Variants in ABCA2 observed in about 807,000 individuals in gnomAD.
ABCA2 encodes ATP binding cassette subfamily A member 2, also known as ATP-binding cassette sub-family A member 2.
In ABCA2, 84 loss-of-function variants were observed where a neutral mutation model predicts 262.8. The observed-to-expected ratio is 0.32, with a 90% CI of 0.27 to 0.38. The LOEUF (loss-of-function observed/expected upper bound fraction) is 0.38. Ranked by LOEUF, ABCA2 falls within the 10% of genes least tolerant of loss-of-function variation. ABCA2 has a pLI of 1.00. For synonymous variants in ABCA2, 1,696 were observed against 1,502.9 expected (o/e 1.13, Z -2.97); for missense variants, 2,662 against 3,405.9 (o/e 0.78, Z 5.44).
intron 43 of ABCA2, 23 bp downstream of exon 43, chr9:137,009,746 C>T (rs1412063728): frequency 1.9e-6 from 3 of 1,607,410 alleles, no homozygotes; most frequent in African/African-American, 1.3e-5. Flanking sequence ...CAGGCAGCCA[C>T]CCCCCACCCA....
Position 137,016,047 on chromosome 9 carries a change from C to CA in ABCA2, c.3231dup (p.Asp1078Ter). The CA allele has an allele frequency of 6.2e-7, 1 of 1,612,418 alleles. No individual in the cohort carries two copies. The highest frequency in any genetic ancestry group is 8.5e-7 in the Non-Finnish European group (1 of 1,179,844). ...AGGTGTTCCTCCACCGTGAGCCGGTCAAAGAGCACATTGTGCTGCGGGCAC... is the reference window on the plus strand; with the variant it reads ...AGGTGTTCCTCCACCGTGAGCCGGTCAAAAGAGCACATTGTGCTGCGGGCAC... On this transcript the variant is annotated frameshift_variant, in exon 22 of 49. Coordinates refer to ENST00000341511, the MANE Select transcript of ABCA2 (RefSeq NM_001606.5). LOFTEE classifies it high-confidence loss of function.
chr9:137,028,011 A>C lies in ABCA2; in HGVS notation c.66+64T>G. 2 of 878,000 alleles carry C rather than the reference A, an allele frequency of 2.3e-6. No homozygotes were observed. Among genetic ancestry groups the C allele is most frequent in the South Asian group, 5.0e-5 (1 of 20,062 alleles). 54.4% of individuals were successfully genotyped at this position (878,000 alleles called of 1,614,324 possible). ...CGGCCGTCCGCACGTGCGCGCGGGGAGCGCGCCTCTGGCCGCGGTGCGCGC... is the reference window on the plus strand; with the variant it reads ...CGGCCGTCCGCACGTGCGCGCGGGGCGCGCGCCTCTGGCCGCGGTGCGCGC... On this transcript the variant is annotated intron_variant, in intron 1 of 48. Coordinates refer to ENST00000341511, the MANE Select transcript of ABCA2 (RefSeq NM_001606.5). This position sits in a 1 kb window ranked among gnomAD's most constrained non-coding sequence, Gnocchi z 6.9.
In ABCA2 at chr9:137,016,102, C is replaced by T. The variant is rs779389938; in HGVS notation, c.3177G>A (p.Glu1059=). 1.2e-5 allele frequency: 19 copies of T among 1,612,760 alleles called. No individual in the cohort carries two copies. The East Asian group carries it at 4.0e-4, about 34-fold the overall frequency. Residue 1059 remains glutamate, a synonymous_variant, in exon 22 of 49, where the codon GAG becomes GAA. Coordinates refer to ENST00000341511, the MANE Select transcript of ABCA2 (RefSeq NM_001606.5). The part of the protein sequence containing the change: ...ATIYGHDIRT[E]MDEIRKNLGM... ...CCAGGTTCTTGCGGATCTCATCCAT[C>T]TCCGTGCGGATGTCGTGCCCGTAGA...
chr9:137,013,630 C>A, intron 28 of ABCA2, 67 bp from the exon 29 acceptor site: 2 of 1,487,064 alleles, frequency 1.3e-6, no homozygotes, highest in East Asian at 2.3e-5. Context: ...AAGCCTCGGT[C>A]CCCTTCCCCC....
intron 46 of ABCA2, 33 bp from the exon 47 acceptor site, chr9:137,008,901 C>CT (rs771891462): frequency 8.2e-6 from 12 of 1,457,536 alleles, no homozygotes; most frequent in African/African-American, 5.0e-5. Context: ...CCTGGCAGCG[C>CT]CCCCCCACCC....
Position 137,021,760 on chromosome 9 carries a change from C to T in ABCA2, c.678+131G>A. On this transcript the variant is annotated intron_variant, in intron 7 of 48. Coordinates refer to ENST00000341511, the MANE Select transcript of ABCA2 (RefSeq NM_001606.5). The surrounding 1 kb of genome is among the most constrained non-coding windows in gnomAD (Gnocchi z 6.0). The stretch of plus-strand genomic sequence containing the variant: ...CTCTACCCCTCATGCCTGCCATAGA[C>T]CCCTGGGACCCTCCCCCTCTCCCAG... The T allele has an allele frequency of 2.4e-6, 3 of 1,228,276 alleles. No individual in the cohort carries two copies. Among genetic ancestry groups the T allele is most frequent in the South Asian group, 1.4e-5 (1 of 71,688 alleles). 76.1% of individuals were successfully genotyped at this position (1,228,276 alleles called of 1,614,324 possible).
Position 137,017,618 on chromosome 9 carries a change from G to A in ABCA2, c.2286C>T (p.Ser762=), listed in dbSNP as rs748466814. The A allele has an allele frequency of 6.2e-7, 1 of 1,612,760 alleles. No homozygotes were observed. Among genetic ancestry groups the A allele is most frequent in the South Asian group, 1.1e-5 (1 of 91,092 alleles). The change falls in exon 17 of 49, where the codon TCC becomes TCT. Residue 762 remains serine (S), a synonymous_variant. Transcript: ENST00000341511. ...AWFITGFVQL[S]ISVTALTAIL... ...TGGCGGTGAGTGCTGTCACGGAGAT[G>A]GACAGCTGCACAAAGCCGGTGATGA... is the stretch of plus-strand genomic sequence containing the variant.
intron 40 of ABCA2, 29 bp from the exon 41 acceptor site, chr9:137,010,400 G>C: frequency 6.4e-7 from 1 of 1,551,408 alleles, no homozygotes; most frequent in Non-Finnish European, 8.7e-7. Context: ...ACTCAGCGGG[G>C]CATCCTGCCC....
In ABCA2 at chr9:137,008,500, G is replaced by C. The variant is rs937763000; in HGVS notation, c.7191C>G (p.Pro2397=). 1.9e-6 allele frequency: 3 copies of C among 1,581,178 alleles called. No individual in the cohort carries two copies. In the South Asian group the frequency reaches 3.5e-5, roughly 18 times the overall value. Residue 2397 remains proline (P), a synonymous_variant, in exon 48 of 49, where the codon CCC becomes CCG. Transcript: ENST00000341511. ...LLSLLRPRSA[P]TELRALVADE... ...CTGCCACAAGTGCCCGGAGCTCCGTGGGGGCAGACCGGGGCCGGAGCAGGC... is the reference window on the plus strand; with the variant it reads ...CTGCCACAAGTGCCCGGAGCTCCGTCGGGGCAGACCGGGGCCGGAGCAGGC...
Position 137,014,178 on chromosome 9 carries a change from G to A in ABCA2, c.4230C>T (p.Val1410=), listed in dbSNP as rs1430954967. Residue 1410 remains valine, a synonymous_variant, in exon 27 of 49, where the codon GTC becomes GTT. Coordinates refer to ENST00000341511, the MANE Select transcript of ABCA2 (RefSeq NM_001606.5). ...LFDNPQDPDN[V]SLQEVEAEAL... ...CCCTGCCACCCCCACCTTGCAGGCTGACATTGTCTGGGTCCTGTGGGTTAT... is the reference window on the plus strand; with the variant it reads ...CCCTGCCACCCCCACCTTGCAGGCTAACATTGTCTGGGTCCTGTGGGTTAT... 2 of 1,607,788 alleles carry A rather than the reference G, an allele frequency of 1.2e-6. No homozygotes were observed. Among genetic ancestry groups the A allele is most frequent in the Non-Finnish European group, 1.7e-6 (2 of 1,177,462 alleles).
At position 137,016,368 on chromosome 9, in the gene ABCA2, G is replaced by A; in HGVS notation, c.3027C>T (p.Asn1009=). 6.2e-7 allele frequency: 1 copy of A among 1,612,950 alleles called. No homozygotes were observed. Among genetic ancestry groups the A allele is most frequent in the Non-Finnish European group, 8.5e-7 (1 of 1,179,992 alleles). ...TCTCGTAGAGGTTCAGGCTCAGCTT[G>A]TTCAGGGCCAGCTTCTTGTCGTCCT... The part of the protein sequence containing the change: ...VYKDDKKLAL[N]KLSLNLYENQ... The change falls in exon 21 of 49, where the codon AAC becomes AAT. Residue 1009 remains asparagine, a synonymous_variant. Transcript: ENST00000341511.
rs763035947 is a variant in ABCA2, at chr9:137,021,079, C to T, written c.898-18G>A. 2.3e-5 allele frequency: 34 copies of T among 1,468,578 alleles called. No homozygotes were observed. Among genetic ancestry groups the T allele is most frequent in the African/African-American group, 2.8e-5 (2 of 70,668 alleles). 91.0% of individuals were successfully genotyped at this position (1,468,578 alleles called of 1,614,324 possible). A position where few individuals can be genotyped will look rare whatever the true frequency, so the allele number is the denominator to read the frequency against. On this transcript the variant is annotated intron_variant, in intron 8 of 48. Coordinates refer to ENST00000341511, the MANE Select transcript of ABCA2 (RefSeq NM_001606.5). The surrounding 1 kb of genome is among the most constrained non-coding windows in gnomAD (Gnocchi z 6.0). Reference sequence around the variant, plus strand: ...AGGCCCAGCTGAGGGGAAACAGGCACGTGGGCAGTGCGGGGTGAGATGGAC... The same window carrying T: ...AGGCCCAGCTGAGGGGAAACAGGCATGTGGGCAGTGCGGGGTGAGATGGAC...
In ABCA2 at chr9:137,021,412, C is replaced by G. The variant is rs752416883; in HGVS notation, c.877G>C (p.Val293Leu). 6.2e-7 allele frequency: 1 copy of G among 1,609,190 alleles called. No homozygotes were observed. The highest frequency in any genetic ancestry group is 8.5e-7 in the Non-Finnish European group (1 of 1,179,806). The change falls in exon 8 of 49, where the codon GTG becomes CTG. Residue 293 changes from valine to leucine, a missense_variant. Transcript: ENST00000341511. The surrounding 1 kb of genome is among the most constrained non-coding windows in gnomAD (Gnocchi z 6.0). Reference protein sequence around the residue: ...LSAELRNQLDVAKVSQQLGLD... With the variant: ...LSAELRNQLDLAKVSQQLGLD... ...CTCACCTGCTGGGAGACCTTGGCCA[C>G]GTCCAGCTGGTTCCGGAGCTCAGCA...
chr9:137,022,605 G>A, intron 5 of ABCA2, 97 bp downstream of exon 5: 1 of 1,556,514 alleles, frequency 6.4e-7, no homozygotes, highest in Non-Finnish European at 8.7e-7. Flanking sequence ...GGAACTCAGT[G>A]CAGGTGGAGG....
At position 137,017,522 on chromosome 9, in the gene ABCA2, C is replaced by A; in HGVS notation, c.2382G>T (p.Ala794=). ...VIIWLFLAVY[A]VATIMFCFLV... is the part of the protein sequence containing the mutation. ...CTCACCAGAACATGATGGTGGCCAC[C>A]GCGTAGACTGCCAGGAAGAGCCAGA... Residue 794 remains alanine (A), a synonymous_variant, in exon 17 of 49, where the codon GCG becomes GCT. Coordinates refer to ENST00000341511, the MANE Select transcript of ABCA2 (RefSeq NM_001606.5). 2.5e-6 allele frequency: 4 copies of A among 1,609,650 alleles called. No homozygotes were observed. Among genetic ancestry groups the A allele is most frequent in the Non-Finnish European group, 2.5e-6 (3 of 1,177,402 alleles).
Position 137,026,966 on chromosome 9 carries a change from G to A in ABCA2, c.66+1109C>T, listed in dbSNP as rs561115022. ...TCCCCGCCAAGGCCAGGTGCCCAGG[G>A]GAATTCTGCCAGCCATGGTGATGAT... On this transcript the variant is annotated intron_variant, in intron 1 of 48. Transcript: ENST00000341511. Among the ~76,000 whole-genome samples the A allele has an allele frequency of 2.0e-5, 3 of 152,336 alleles. No individual in the cohort carries two copies. In the East Asian group the frequency reaches 5.8e-4, roughly 29 times the overall value.
In ABCA2 at chr9:137,015,659, A is replaced by G. The variant is rs1279936511; in HGVS notation, c.3514+16T>C. ...AGGCGCCGCCCGCACCCCTGCCCAC[A>G]CGGCACCCCACTCACCTGGCTTGTA... is the stretch of plus-strand genomic sequence containing the variant. On this transcript the variant is annotated intron_variant, in intron 23 of 48. Transcript: ENST00000341511. 8.7e-6 allele frequency: 14 copies of G among 1,609,424 alleles called. No individual in the cohort carries two copies. Among genetic ancestry groups the G allele is most frequent in the African/African-American group, 4.0e-5 (3 of 74,822 alleles).
At chr9:137,014,438 G>A (rs1831181742) in intron 26 of ABCA2, 34 bp from the exon 27 acceptor site, 2 of 1,551,704 alleles carry the variant, frequency 1.3e-6, no homozygotes, top group Non-Finnish European at 1.7e-6. Context: ...GGACACTCAG[G>A]GCTACTGGCC....
At chr9:137,013,596 T>G (rs1268657092) in intron 28 of ABCA2, 33 bp from the exon 29 acceptor site, 1 of 1,576,394 alleles carries the variant, frequency 6.3e-7, no homozygotes. Context: ...CTGAGCAGGT[T>G]CTGCCCTCTG....
Sources: allele counts gnomAD v4.1 joint callset (sites outside exome capture counted in the v4.1 genomes callset), GRCh38; gene constraint gnomAD v4.1.1; non-coding constraint Gnocchi (gnomAD v3.1); transcripts MANE v1.5; gene names NCBI Gene and HGNC (gene_info 2026-07-23, HGNC 2026-07-21).